ITGAE: variants seen among roughly 807,000 people sequenced by gnomAD.
ITGAE encodes integrin subunit alpha E.
In ITGAE, 99 loss-of-function variants were observed where a neutral mutation model predicts 136.5. That is an observed-to-expected ratio of 0.73 (90% CI 0.62 to 0.86). The LOEUF (loss-of-function observed/expected upper bound fraction) is 0.86. Ranked by LOEUF, ITGAE falls within the 40% of genes least tolerant of loss-of-function variation. The pLI is 0.00. For synonymous variants in ITGAE, 613 were observed against 591.8 expected, an observed-to-expected ratio of 1.04 and a Z score of -0.52; for missense variants, 1,447 against 1,515.3, an observed-to-expected ratio of 0.95 and a Z score of 0.75.
Position 3,755,160 on chromosome 17 carries a change from C to CGCT in ITGAE, c.1338_1340dup (p.Ala451dup), listed in dbSNP as rs1467213792. 6.5e-7 allele frequency: 1 copy of CGCT among 1,544,550 alleles called. No homozygotes were observed. The highest frequency in any genetic ancestry group is 2.3e-5 in the East Asian group (1 of 43,738). ...CAGCCTCCGCGTCTGCCGCCGCCGCCGCTGTCTGGTTCAGGAAGCGGCCCC... is the reference window on the plus strand; with the variant it reads ...CAGCCTCCGCGTCTGCCGCCGCCGCCGCTGCTGTCTGGTTCAGGAAGCGGCCCC... On this transcript the variant is annotated inframe_insertion, in exon 12 of 31. Coordinates refer to ENST00000263087, the MANE Select transcript of ITGAE (RefSeq NM_002208.5).
At chr17:3,782,411 G>A (rs1301390653) in intron 1 of ITGAE, among the ~76,000 whole-genome samples, 2 of 147,384 alleles carry the variant, frequency 1.4e-5, no homozygotes, top group African/African-American at 2.5e-5. Context: ...CTTGTCGCCC[G>A]AGCTAGAGTA....
At chr17:3,759,290 G>T in intron 8 of ITGAE, 112 bp downstream of exon 8, 6 of 1,251,256 alleles carry the variant, frequency 4.8e-6, no homozygotes, top group Non-Finnish European at 4.5e-6. Flanking sequence ...CCAGGGAAAG[G>T]CTGGAGCCCT....
At chr17:3,770,926 GC>G (rs1235533441) in intron 2 of ITGAE, among the ~76,000 whole-genome samples, 2 of 152,122 alleles carry the variant, frequency 1.3e-5, no homozygotes, top group Non-Finnish European at 1.5e-5. Context: ...AGGGAACTAG[GC>G]AGGAGACAGT....
At chr17:3,722,120 A>C (rs1464569294) in intron 28 of ITGAE, among the ~76,000 whole-genome samples, 2 of 151,806 alleles carry the variant, frequency 1.3e-5, no homozygotes, top group Non-Finnish European at 2.9e-5. Context: ...CGGAGGTTGC[A>C]GTGAGCCGAG....
rs1321090965 is a variant in ITGAE at position 3,755,167 on chromosome 17, T to C, written c.1334A>G (p.Gln445Arg). 2 of 1,544,654 alleles carry C rather than the reference T, an allele frequency of 1.3e-6. No homozygotes were observed. The highest frequency in any genetic ancestry group is 3.6e-5 in the Admixed American group (2 of 55,126). ...TRSRRGRFLN[Q>R]TAAAAADAEA... The stretch of plus-strand genomic sequence containing the variant: ...CGCGTCTGCCGCCGCCGCCGCTGTC[T>C]GGTTCAGGAAGCGGCCCCGGCGGCT... The change falls in exon 12 of 31, where the codon CAG (glutamine) becomes CGG (arginine). Residue 445 changes from glutamine to arginine, a missense_variant. Physicochemically the swap from Gln to Arg is conservative, Grantham distance 43. Transcript: ENST00000263087.
chr17:3,737,285 C>T (rs1204090312), intron 20 of ITGAE, among the ~76,000 whole-genome samples: 5 of 151,554 alleles, frequency 3.3e-5, no homozygotes, highest in African/African-American at 1.2e-4. Context: ...AGAGTGAGAC[C>T]CTGTCTCAAA....
intron 30 of ITGAE, among the ~76,000 whole-genome samples, chr17:3,715,515 C>T (rs1239824706): frequency 1.3e-5 from 2 of 152,042 alleles, no homozygotes; most frequent in African/African-American, 4.8e-5. Context: ...AAGCAGCCTA[C>T]GCGTACGCAG....
chr17:3,739,501 C>T (rs1045305435), intron 20 of ITGAE, among the ~76,000 whole-genome samples: 9 of 152,118 alleles, frequency 5.9e-5, no homozygotes, highest in African/African-American at 1.4e-4. Flanking sequence ...CTGTGAAGAA[C>T]GCTGGGTTCT....
chr17:3,761,327 T>C (rs1189094912), intron 5 of ITGAE, 76 bp downstream of exon 5: 2 of 1,542,792 alleles, frequency 1.3e-6, no homozygotes, highest in East Asian at 4.5e-5. Flanking sequence ...GCATCTGCCG[T>C]GAGCTGGTGC....
intron 20 of ITGAE, among the ~76,000 whole-genome samples, chr17:3,738,396 C>G (rs1421799834): frequency 2.0e-5 from 3 of 152,174 alleles, no homozygotes; most frequent in African/African-American, 7.2e-5. Context: ...GTCTCAAACT[C>G]CTGACCTCAT....
chr17:3,720,439 T>G (rs888726432), intron 28 of ITGAE, 37 bp from the exon 29 acceptor site: 2 of 936,276 alleles, frequency 2.1e-6, no homozygotes, highest in Non-Finnish European at 3.5e-6. Context: ...AAACAAAACA[T>G]ATTTTAGACA....
In ITGAE at chr17:3,798,030, G is replaced by A. The variant is rs1269617045; in HGVS notation, c.34+3081C>T. ...ACCACCTCCACCGTGGGCCTCTCGG[G>A]ACTGGATGCCCGCATTCCTCCACTT... On this transcript the variant is annotated intron_variant, in intron 1 of 30. Transcript: ENST00000263087. The surrounding 1 kb of genome is among the most constrained non-coding windows in gnomAD (Gnocchi z 4.3). Among the ~76,000 whole-genome samples, 1 of 152,138 alleles carries A rather than the reference G, an allele frequency of 6.6e-6. No individual in the cohort carries two copies. Among genetic ancestry groups the A allele is most frequent in the Non-Finnish European group, 1.5e-5 (1 of 68,018 alleles).
chr17:3,792,155 C>G (rs2143479067), intron 1 of ITGAE, among the ~76,000 whole-genome samples: 1 of 152,036 alleles, frequency 6.6e-6, no homozygotes, highest in East Asian at 1.9e-4. Context: ...GGAGTCTGGC[C>G]CTGTTGCCCA....
intron 24 of ITGAE, 188 bp from the exon 25 acceptor site, chr17:3,728,356 C>T: frequency 4.3e-6 from 2 of 465,002 alleles, no homozygotes; most frequent in South Asian, 5.2e-5. Flanking sequence ...GCATGAGCCA[C>T]TACACTCATC....
rs933811715 is a variant in ITGAE, at chr17:3,731,839, G to A, written c.2754+529C>T. On this transcript the variant is annotated intron_variant, in intron 22 of 30. Transcript: ENST00000263087. ...TGTCATCCCAGCACTTTGGGAGGTCGAGGCAGGTGGATCACTTGAGGACAG... is the reference window on the plus strand; with the variant it reads ...TGTCATCCCAGCACTTTGGGAGGTCAAGGCAGGTGGATCACTTGAGGACAG... 1.9e-4 allele frequency among the ~76,000 whole-genome samples: 29 copies of A among 151,560 alleles called. 1 individual carries two copies. Among genetic ancestry groups the A allele is most frequent in the Non-Finnish European group, 3.2e-4 (22 of 67,890 alleles).
Position 3,751,707 on chromosome 17 carries a change from G to A in ITGAE, c.1836C>T (p.Phe612=), listed in dbSNP as rs765234701. 2.5e-5 allele frequency: 40 copies of A among 1,613,880 alleles called. No homozygotes were observed. The highest frequency in any genetic ancestry group is 2.1e-4 in the African/African-American group (16 of 74,872). ...GTCCATTGTAGATATACACACTGCC[G>A]AAGCTGGCACCATCATCTGCCCCAA... ...EGFGADDGAS[F]GSVYIYNGHW... The change falls in exon 15 of 31, where the codon TTC becomes TTT. Residue 612 remains phenylalanine, a synonymous_variant. Transcript: ENST00000263087.
intron 7 of ITGAE, 39 bp from the exon 8 acceptor site, chr17:3,759,592 T>C (rs529464765): frequency 3.6e-5 from 57 of 1,592,668 alleles, no homozygotes; most frequent in Non-Finnish European, 4.8e-5. Flanking sequence ...GTTGGAAGAA[T>C]TGCCACCTCT....
At chr17:3,785,495 G>A (rs562763424) in intron 1 of ITGAE, among the ~76,000 whole-genome samples, 5 of 125,416 alleles carry the variant, frequency 4.0e-5, no homozygotes, top group African/African-American at 1.8e-4. Flanking sequence ...AAGGAAGGAA[G>A]GAGGAAGGAA....
At chr17:3,786,888 CAAA>C (rs1268482931) in intron 1 of ITGAE, among the ~76,000 whole-genome samples, 1 of 35,312 alleles carries the variant, frequency 2.8e-5, no homozygotes, top group Non-Finnish European at 6.3e-5. Flanking sequence ...GACTCCATCT[CAAA>C]AAAAAAAAAA....
Sources: gnomAD v4.1 joint callset for allele counts (sites outside exome capture counted in the v4.1 genomes callset) on GRCh38, gnomAD v4.1.1 for gene constraint, Gnocchi (gnomAD v3.1) non-coding constraint, MANE v1.5 for transcripts, NCBI Gene and HGNC (gene_info 2026-07-23, HGNC 2026-07-21) for gene names.